SNTB2: variants seen among roughly 807,000 people sequenced by gnomAD.
SNTB2 encodes syntrophin beta 2, also known as beta-2-syntrophin.
Under a neutral mutation model 46.2 loss-of-function variants are expected in SNTB2, and 34 were observed. The ratio of observed to expected loss-of-function variants is 0.74; its 90% CI spans 0.56 to 0.98. The LOEUF (loss-of-function observed/expected upper bound fraction) is 0.98, where lower values mean the gene tolerates loss of function less well. Ranked by LOEUF, SNTB2 falls within the 50% of genes least tolerant of loss-of-function variation. SNTB2 has a pLI of 0.00. For missense variants in SNTB2, 603 were observed against 731.4 expected, an observed-to-expected ratio of 0.82 and a Z score of 2.02; for synonymous variants, 290 against 312.6, an observed-to-expected ratio of 0.93 and a Z score of 0.76.
intron 1 of SNTB2, among the ~76,000 whole-genome samples, chr16:69,216,690 C>A (rs1339472625): frequency 1.3e-5 from 2 of 151,686 alleles, no homozygotes; most frequent in Admixed American, 1.3e-4. Context: ...CCTGCCCCCC[C>A]CCCAAAAAAA....
intron 1 of SNTB2, among the ~76,000 whole-genome samples, chr16:69,227,899 C>T (rs539291353): frequency 1.3e-5 from 2 of 148,546 alleles, no homozygotes; most frequent in South Asian, 4.3e-4. Context: ...ACTCTGTCAC[C>T]CAGGCTGGAG....
intron 1 of SNTB2, among the ~76,000 whole-genome samples, chr16:69,224,493 G>T (rs1964439915): frequency 6.6e-6 from 1 of 152,204 alleles, no homozygotes; most frequent in Admixed American, 6.5e-5. Flanking sequence ...TTACAGGCGT[G>T]AGCCACTGTT....
chr16:69,259,355 C>A (rs1038335340), intron 2 of SNTB2, among the ~76,000 whole-genome samples: 1 of 150,010 alleles, frequency 6.7e-6, no homozygotes, highest in Non-Finnish European at 1.5e-5. Context: ...GCCTCAGCCT[C>A]CCGAGTAGCT....
chr16:69,270,385 C>T, intron 4 of SNTB2, 100 bp downstream of exon 4: 1 of 1,435,796 alleles, frequency 7.0e-7, no homozygotes, highest in Non-Finnish European at 9.5e-7. Flanking sequence ...CCTAAAAGAG[C>T]ATTTAAGTAG....
chr16:69,305,962 G>A lies in SNTB2; in HGVS notation c.*5038G>A, dbSNP rs1215892485. ...CACTGTGCTGGATACATAGACACTCGATAAATGTGTGATGATAGTTCTAAA... is the reference window on the plus strand; with the variant it reads ...CACTGTGCTGGATACATAGACACTCAATAAATGTGTGATGATAGTTCTAAA... On this transcript the variant is annotated 3_prime_UTR_variant, in exon 7 of 7. Transcript: ENST00000336278. 6.6e-6 allele frequency: 1 copy of A among 151,988 alleles called. No individual in the cohort carries two copies. The allele number at this position is 151,988 out of a possible 1,614,324, so 9.4% of individuals were successfully genotyped here. A position where few individuals can be genotyped will look rare whatever the true frequency, so the allele number is the denominator to read the frequency against.
chr16:69,252,069 A>G (rs1358051151), intron 2 of SNTB2, among the ~76,000 whole-genome samples: 3 of 152,140 alleles, frequency 2.0e-5, no homozygotes, highest in African/African-American at 7.2e-5. Flanking sequence ...TACCTTTGTG[A>G]TGGGTGCGTA....
At chr16:69,297,535 T>C (rs542793758) in intron 5 of SNTB2, among the ~76,000 whole-genome samples, 184 of 151,582 alleles carry the variant, frequency 1.2e-3, no homozygotes, top group African/African-American at 4.3e-3. Flanking sequence ...GGAGAATTGC[T>C]TCAACCTGGG....
intron 1 of SNTB2, among the ~76,000 whole-genome samples, chr16:69,216,722 C>A (rs903322788): frequency 1.3e-5 from 2 of 150,800 alleles, no homozygotes; most frequent in Admixed American, 6.6e-5. Flanking sequence ...TGGAATTAAA[C>A]CACTTACATG....
intron 3 of SNTB2, among the ~76,000 whole-genome samples, chr16:69,269,694 T>C (rs968368587): frequency 6.6e-6 from 1 of 152,232 alleles, no homozygotes; most frequent in African/African-American, 2.4e-5. Flanking sequence ...TATTTGGTAG[T>C]AGGAGTTTCT....
chr16:69,223,645 T>C (rs1171463693), intron 1 of SNTB2, among the ~76,000 whole-genome samples: 1 of 152,128 alleles, frequency 6.6e-6, no homozygotes, highest in African/African-American at 2.4e-5. Context: ...TGTTTTTTTT[T>C]TGAGACGGAG....
At chr16:69,270,076 T>A in intron 3 of SNTB2, 67 bp from the exon 4 acceptor site, 1 of 1,591,810 alleles carries the variant, frequency 6.3e-7, no homozygotes, top group South Asian at 1.1e-5. Context: ...TAGGCCATCA[T>A]TGAAGGAACT....
At chr16:69,253,199 C>G (rs1304883968) in intron 2 of SNTB2, among the ~76,000 whole-genome samples, 2 of 151,678 alleles carry the variant, frequency 1.3e-5, no homozygotes, top group Non-Finnish European at 2.9e-5. Context: ...ACACCTGGCC[C>G]CCTTTGTCAG....
intron 2 of SNTB2, among the ~76,000 whole-genome samples, chr16:69,258,082 A>G (rs1002363067): frequency 1.3e-5 from 2 of 152,262 alleles, no homozygotes; most frequent in Non-Finnish European, 2.9e-5. Context: ...AAATGCTAGT[A>G]TACTTGTAAA....
intron 4 of SNTB2, among the ~76,000 whole-genome samples, chr16:69,273,667 T>C (rs1487065693): frequency 1.3e-5 from 2 of 152,266 alleles, no homozygotes; most frequent in Admixed American, 1.3e-4. Context: ...TAAAGACCAC[T>C]GTACTTCAAG....
At chr16:69,270,017 G>A in intron 3 of SNTB2, 126 bp from the exon 4 acceptor site, 1 of 1,038,316 alleles carries the variant, frequency 9.6e-7, no homozygotes. Context: ...GATGTTTCCT[G>A]AATGTAAAGT....
At chr16:69,297,540 C>T (rs1214374768) in intron 5 of SNTB2, among the ~76,000 whole-genome samples, 2 of 151,404 alleles carry the variant, frequency 1.3e-5, no homozygotes, top group African/African-American at 4.9e-5. Flanking sequence ...ATTGCTTCAA[C>T]CTGGGAGGCA....
chr16:69,276,547 C>T (rs1484462498), intron 4 of SNTB2, among the ~76,000 whole-genome samples: 1 of 152,192 alleles, frequency 6.6e-6, no homozygotes, highest in Non-Finnish European at 1.5e-5. Flanking sequence ...CTTGGATCCT[C>T]TGTGGAGTAA....
At chr16:69,268,961 G>A (rs1964912321) in intron 3 of SNTB2, among the ~76,000 whole-genome samples, 1 of 151,356 alleles carries the variant, frequency 6.6e-6, no homozygotes, top group South Asian at 2.1e-4. Flanking sequence ...TCTAAGATCA[G>A]GAGTTTGAGA....
chr16:69,229,196 G>A (rs1365082502), intron 1 of SNTB2, among the ~76,000 whole-genome samples: 2 of 152,058 alleles, frequency 1.3e-5, no homozygotes, highest in Non-Finnish European at 2.9e-5. Context: ...TTTAGTGACA[G>A]GATCTCACTC....
Sources: gnomAD v4.1 joint callset for allele counts (sites outside exome capture counted in the v4.1 genomes callset) on GRCh38, gnomAD v4.1.1 for gene constraint, MANE v1.5 for transcripts, NCBI Gene and HGNC (gene_info 2026-07-23, HGNC 2026-07-21) for gene names.